Variants in CHN2 observed in about 807,000 individuals in gnomAD.
The protein encoded by CHN2 is chimerin 2.
A neutral mutation model predicts 56.3 loss-of-function variants in CHN2; 35 were observed. That is an observed-to-expected ratio of 0.62 (90% CI 0.47 to 0.82). CHN2 has a LOEUF of 0.82. Ranked by LOEUF, CHN2 falls within the 40% of genes least tolerant of loss-of-function variation. The pLI is 0.00. For missense variants in CHN2, 491 were observed against 580.5 expected, an observed-to-expected ratio of 0.85 and a Z score of 1.58; for synonymous variants, 210 against 212.8, an observed-to-expected ratio of 0.99 and a Z score of 0.12.
chr7:29,466,210 GAAA>G (rs2128141267), intron 6 of CHN2, among the ~76,000 whole-genome samples: 1 of 145,456 alleles, frequency 6.9e-6, no homozygotes, highest in Non-Finnish European at 1.5e-5. Flanking sequence ...AATAAAGAGA[GAAA>G]GAGAGAGAGG....
chr7:29,229,407 GA>G (rs549070434), intron 1 of CHN2, among the ~76,000 whole-genome samples: 2 of 150,414 alleles, frequency 1.3e-5, no homozygotes, highest in East Asian at 2.0e-4. Context: ...TGCTAAAAAG[GA>G]AAAAAAAATC....
intron 5 of CHN2, 106 bp downstream of exon 5, chr7:29,398,592 A>C: frequency 1.4e-6 from 1 of 702,180 alleles, no homozygotes; most frequent in Non-Finnish European, 2.4e-6. Context: ...AAAATTCATC[A>C]TTTTTCCCAT....
intron 1 of CHN2, among the ~76,000 whole-genome samples, chr7:29,270,373 G>T (rs949067086): frequency 6.6e-5 from 10 of 151,772 alleles, no homozygotes; most frequent in African/African-American, 2.4e-4. Flanking sequence ...AATGATCTAG[G>T]TCGAACGCAG....
chr7:29,293,849 G>A (rs560955243), intron 1 of CHN2, among the ~76,000 whole-genome samples: 3 of 148,908 alleles, frequency 2.0e-5, no homozygotes. Flanking sequence ...AGCTCCACGA[G>A]GCTGGGAATT....
At chr7:29,196,629 A>G (rs1783745950) in intron 1 of CHN2, among the ~76,000 whole-genome samples, 2 of 152,230 alleles carry the variant, frequency 1.3e-5, no homozygotes, top group South Asian at 4.1e-4. Context: ...AGAAAAGACG[A>G]AAGGAGAAAG....
intron 1 of CHN2, among the ~76,000 whole-genome samples, chr7:29,204,465 G>A (rs1784385978): frequency 6.6e-6 from 1 of 152,084 alleles, no homozygotes; most frequent in Non-Finnish European, 1.5e-5. Context: ...TAACCATTTT[G>A]TTTTACAGTG....
At chr7:29,263,148 C>T (rs1276622698) in intron 1 of CHN2, among the ~76,000 whole-genome samples, 1 of 152,192 alleles carries the variant, frequency 6.6e-6, no homozygotes, top group Admixed American at 6.5e-5. Context: ...CCTGCCTCAG[C>T]CTGCCGAGTG....
At chr7:29,194,605 G>A (rs549992891), upstream of CHN2, 63 of 257,704 alleles carry the variant, frequency 2.4e-4, no homozygotes, top group South Asian at 7.4e-3. Context: ...CCGCGCACAG[G>A]GGAGCGTGGA....
chr7:29,410,041 G>T (rs1479548122), intron 6 of CHN2, among the ~76,000 whole-genome samples: 2 of 152,228 alleles, frequency 1.3e-5, no homozygotes, highest in African/African-American at 2.4e-5. Flanking sequence ...GCTCTTCCCA[G>T]TGGCTCTCAC....
intron 3 of CHN2, among the ~76,000 whole-genome samples, chr7:29,390,115 C>A (rs1801245995): frequency 6.6e-6 from 1 of 151,000 alleles, no homozygotes; most frequent in African/African-American, 2.4e-5. Context: ...ACAGTGAAAC[C>A]CTCTGTGCCT....
intron 1 of CHN2, among the ~76,000 whole-genome samples, chr7:29,344,141 C>T (rs1281038245): frequency 1.3e-5 from 2 of 152,176 alleles, no homozygotes; most frequent in Non-Finnish European, 2.9e-5. Context: ...TCCTTCAAGT[C>T]CATCCCATTT....
chr7:29,166,652 A>G (rs1422547062), intron 2 of CHN2, among the ~76,000 whole-genome samples: 1 of 152,120 alleles, frequency 6.6e-6, no homozygotes, highest in Non-Finnish European at 1.5e-5. Context: ...TATGGCAAAA[A>G]AGATGGTTGT....
chr7:29,402,535 A>T (rs1168598263), intron 6 of CHN2, among the ~76,000 whole-genome samples: 1 of 152,210 alleles, frequency 6.6e-6, no homozygotes, highest in East Asian at 1.9e-4. Flanking sequence ...GAAAATATGA[A>T]AGCCGACCTT....
At chr7:29,498,758 C>CTTTTTTTTTTTTTTT (rs138784356) in intron 8 of CHN2, among the ~76,000 whole-genome samples, 2 of 100,078 alleles carry the variant, frequency 2.0e-5, no homozygotes, top group Admixed American at 1.2e-4. Context: ...ACTATGCTGC[C>CTTTTTTTTTTTTTTT]TTTTTTTTTT....
intron 6 of CHN2, among the ~76,000 whole-genome samples, chr7:29,402,795 AC>A (rs1231203135): frequency 6.6e-6 from 1 of 152,320 alleles, no homozygotes; most frequent in African/African-American, 2.4e-5. Context: ...AGTTTGGTCA[AC>A]AGAAACTGAT....
intron 1 of CHN2, among the ~76,000 whole-genome samples, chr7:29,264,476 C>A (rs180874610): frequency 3.3e-4 from 50 of 152,326 alleles, no homozygotes; most frequent in African/African-American, 1.2e-3. Flanking sequence ...AGGAAAAATT[C>A]TTCTGCCTTG....
chr7:29,484,344 G>C (rs960959157), intron 7 of CHN2, among the ~76,000 whole-genome samples: 55 of 152,326 alleles, frequency 3.6e-4, no homozygotes, highest in African/African-American at 1.3e-3. Context: ...CACAAACTTG[G>C]TGGCTTAAAA....
intron 1 of CHN2, among the ~76,000 whole-genome samples, chr7:29,302,901 G>A (rs1793813804): frequency 1.3e-5 from 2 of 152,160 alleles, no homozygotes; most frequent in African/African-American, 4.8e-5. Flanking sequence ...TCAGAGTTTA[G>A]CATGTTGTAG....
intron 4 of CHN2, 53 bp downstream of exon 4, chr7:29,393,763 G>T (rs1054704188): frequency 1.3e-5 from 8 of 623,710 alleles, no homozygotes; most frequent in Admixed American, 3.4e-5. Flanking sequence ...GTCATTTCAT[G>T]TGTCATTTAA....
Sources: allele counts gnomAD v4.1 joint callset (sites outside exome capture counted in the v4.1 genomes callset), GRCh38; gene constraint gnomAD v4.1.1; transcripts MANE v1.5; gene names NCBI Gene and HGNC (gene_info 2026-07-23, HGNC 2026-07-21).